Variants in RBPJL observed in about 807,000 individuals in gnomAD.
RBPJL encodes the protein recombining binding protein suppressor of hairless-like protein.
A neutral mutation model predicts 57.6 loss-of-function variants in RBPJL; 50 were observed. The ratio of observed to expected loss-of-function variants is 0.87; its 90% CI spans 0.69 to 1.10. The LOEUF (loss-of-function observed/expected upper bound fraction) is 1.10, where lower values mean the gene tolerates loss of function less well. Ranked by LOEUF, RBPJL falls within the 50% of genes least tolerant of loss-of-function variation. The probability of loss-of-function intolerance (pLI) is 0.00; values close to 1 mark genes in which losing one functional copy is unlikely to be tolerated. For synonymous variants in RBPJL, 303 were observed against 294.4 expected (o/e 1.03, Z -0.30); for missense variants, 684 against 693.7 (o/e 0.99, Z 0.16).
At chr20:45,313,433 C>CACCCTCACCCTAAGCCTG (rs1987295279) in intron 6 of RBPJL, 35 bp from the exon 7 acceptor site, 1 of 1,563,932 alleles carries the variant, frequency 6.4e-7, no homozygotes, top group African/African-American at 1.4e-5. Context: ...CCCTGACCCT[C>CACCCTCACCCTAAGCCTG]ACCCTCACCC....
intron 9 of RBPJL, chr20:45,315,881 GAA>G: frequency 3.5e-6 from 1 of 288,480 alleles, no homozygotes; most frequent in Non-Finnish European, 6.1e-6. Context: ...AGGAAGGAAA[GAA>G]AGAAAAAGAA....
chr20:45,313,348 A>AACCCTC (rs937322516), intron 6 of RBPJL, 120 bp from the exon 7 acceptor site: 1 of 667,682 alleles, frequency 1.5e-6, no homozygotes. Flanking sequence ...CCCTAATCCT[A>AACCCTC]ACCCTCACCC....
rs368721350 is a variant in RBPJL at position 45,316,267 on chromosome 20, G to C, written c.1101G>C (p.Val367=). 2 of 1,614,114 alleles carry C rather than the reference G, an allele frequency of 1.2e-6. No individual in the cohort carries two copies. Among genetic ancestry groups the C allele is most frequent in the African/African-American group, 1.3e-5 (1 of 74,954 alleles). The change falls in exon 10 of 12, where the codon GTG becomes GTC. Residue 367 remains valine, a synonymous_variant. Transcript: ENST00000343694. The stretch of plus-strand genomic sequence containing the variant: ...GGACCATCATCGGCACCGAGTCGGT[G>C]GAATTTTCCTTCAGCACCAGCCTGG... ...SCWTIIGTES[V]EFSFSTSLAC... is the part of the protein sequence containing the mutation.
rs1431769513 is a variant in RBPJL at position 45,306,886 on chromosome 20, G to A, written c.-37G>A. On this transcript the variant is annotated 5_prime_UTR_variant, in exon 1 of 12. Coordinates refer to ENST00000343694, the MANE Select transcript of RBPJL (RefSeq NM_014276.4). The stretch of plus-strand genomic sequence containing the variant: ...ACAGCAGCACTGGACTCGTCCAGAG[G>A]GCGGCGGGTGAGCGGCTGGGGCCCC... 3.2e-6 allele frequency: 4 copies of A among 1,256,298 alleles called. No homozygotes were observed. The highest frequency in any genetic ancestry group is 3.1e-5 in the African/African-American group (2 of 64,774). The allele number at this position is 1,256,298 out of a possible 1,614,324, so 77.8% of individuals were successfully genotyped here.
intron 3 of RBPJL, among the ~76,000 whole-genome samples, chr20:45,311,189 GAGAGGAAGGA>G (rs1568889416): frequency 6.7e-6 from 1 of 149,520 alleles, no homozygotes; most frequent in African/African-American, 2.5e-5. Flanking sequence ...GAAAGAAAGA[GAGAGGAAGGA>G]AGGAAGGAAG....
At chr20:45,308,310 G>T in intron 2 of RBPJL, 59 bp downstream of exon 2, 1 of 1,177,482 alleles carries the variant, frequency 8.5e-7, no homozygotes, top group South Asian at 1.2e-5. Context: ...GGAGCACACA[G>T]AGGCAACGGC....
intron 2 of RBPJL, among the ~76,000 whole-genome samples, chr20:45,309,018 C>T (rs551102693): frequency 2.1e-4 from 32 of 152,222 alleles, no homozygotes; most frequent in Admixed American, 3.9e-4. Flanking sequence ...TCCCCCAGGC[C>T]ATCCCCCATC....
intron 6 of RBPJL, 105 bp from the exon 7 acceptor site, chr20:45,313,363 C>G (rs1040366647): frequency 1.1e-6 from 1 of 893,086 alleles, no homozygotes; most frequent in Non-Finnish European, 1.7e-6. Flanking sequence ...TCACCCTCAC[C>G]CTAACCCTCA....
chr20:45,313,673 A>T (rs1316758623), intron 7 of RBPJL, 68 bp downstream of exon 7: 1 of 1,436,548 alleles, frequency 7.0e-7, no homozygotes, highest in Non-Finnish European at 9.3e-7. Context: ...CTCCACCACA[A>T]CTCCTTAAGG....
At position 45,314,038 on chromosome 20, in the gene RBPJL, A is replaced by C. The variant is rs774563760; in HGVS notation, c.761A>C (p.Asp254Ala). ...QWAAFTLHLA[D>A]GHSAQGDFPP... ...CCTTGCTTTTTTTGTCCCCCAGCTG[A>C]TGGGCACTCTGCCCAAGGAGACTTC... The change falls in exon 8 of 12, where the codon GAT (aspartate) becomes GCT (alanine). Residue 254 changes from aspartate (D) to alanine (A), a missense_variant. By Grantham distance (126) the Asp-to-Ala change is moderately radical. Transcript: ENST00000343694. 2.5e-6 allele frequency: 4 copies of C among 1,611,922 alleles called. No homozygotes were observed. Among genetic ancestry groups the C allele is most frequent in the Non-Finnish European group, 3.4e-6 (4 of 1,177,982 alleles).
chr20:45,311,476 G>A lies in RBPJL; in HGVS notation c.258-113G>A. 4.3e-6 allele frequency: 4 copies of A among 922,904 alleles called. No individual in the cohort carries two copies. In the South Asian group the frequency reaches 6.0e-5, roughly 14 times the overall value. The allele number at this position is 922,904 out of a possible 1,614,324, so 57.2% of individuals were successfully genotyped here. A position where few individuals can be genotyped will look rare whatever the true frequency, so the allele number is the denominator to read the frequency against. ...TACAGTCGTGAAAAAGCGTTGCGGG[G>A]AGCGGGAGGAGGAAACGAAGGTTCT... On this transcript the variant is annotated intron_variant, in intron 3 of 11. Coordinates refer to ENST00000343694, the MANE Select transcript of RBPJL (RefSeq NM_014276.4).
At chr20:45,310,327 C>G (rs1020874708) in intron 3 of RBPJL, among the ~76,000 whole-genome samples, 4 of 152,138 alleles carry the variant, frequency 2.6e-5, no homozygotes, top group Admixed American at 6.5e-5. Context: ...AACAGAAGGG[C>G]CGGGCGCGAT....
intron 8 of RBPJL, 123 bp downstream of exon 8, chr20:45,314,267 C>A: frequency 1.6e-6 from 2 of 1,226,750 alleles, no homozygotes; most frequent in South Asian, 1.3e-5. Flanking sequence ...CACCCAGTGT[C>A]GCGTAGGACC....
intron 6 of RBPJL, among the ~76,000 whole-genome samples, chr20:45,312,899 G>T (rs557212116): frequency 1.6e-4 from 24 of 151,450 alleles, no homozygotes; most frequent in African/African-American, 4.9e-4. Flanking sequence ...TCCCAGCTAC[G>T]TGGGAGGCTG....
chr20:45,317,233 CCT>C lies in RBPJL; in HGVS notation c.*286_*287del, dbSNP rs1030309597. The C allele has an allele frequency of 1.5e-3, 815 of 527,900 alleles. 1 individual carries two copies. Among genetic ancestry groups the C allele is most frequent in the South Asian group, 5.7e-3 (213 of 37,380 alleles). The allele number at this position is 527,900 out of a possible 1,614,324, so 32.7% of individuals were successfully genotyped here. A position where few individuals can be genotyped will look rare whatever the true frequency, so the allele number is the denominator to read the frequency against. ...CATTTCTTCTCACTCTGTCTCTAAA[CCT>C]CTCTCTCTCTCCCTTCCCCCTCAGT... is the stretch of plus-strand genomic sequence containing the variant. On this transcript the variant is annotated 3_prime_UTR_variant, in exon 12 of 12. Transcript: ENST00000343694.
rs962111528 is a variant in RBPJL at position 45,317,200 on chromosome 20, C to G, written c.*241C>G. 3 of 570,118 alleles carry G rather than the reference C, an allele frequency of 5.3e-6. No homozygotes were observed. Among genetic ancestry groups the G allele is most frequent in the Non-Finnish European group, 9.3e-6 (3 of 323,622 alleles). The allele number at this position is 570,118 out of a possible 1,614,324, so 35.3% of individuals were successfully genotyped here. A position where few individuals can be genotyped will look rare whatever the true frequency, so the allele number is the denominator to read the frequency against. On this transcript the variant is annotated 3_prime_UTR_variant, in exon 12 of 12. Transcript: ENST00000343694. Reference sequence around the variant, plus strand: ...TTTGTGTCCGTCGTGTATGGCTCTCCCTGTCTTCATTTCTTCTCACTCTGT... The same window carrying G: ...TTTGTGTCCGTCGTGTATGGCTCTCGCTGTCTTCATTTCTTCTCACTCTGT...
intron 2 of RBPJL, 92 bp from the exon 3 acceptor site, chr20:45,309,475 A>T: frequency 7.2e-7 from 1 of 1,380,472 alleles, no homozygotes; most frequent in Non-Finnish European, 9.8e-7. Context: ...CCCCCTGCTC[A>T]CTTCATTTTA....
At position 45,316,843 on chromosome 20, in the gene RBPJL, A is replaced by G. The variant is rs751084271; in HGVS notation, c.1438A>G (p.Ser480Gly). The change falls in exon 12 of 12, where the codon AGC becomes GGC. Residue 480 changes from serine (S) to glycine (G), a missense_variant. Transcript: ENST00000343694. ...AFSFTYTPEY[S>G]VRPGHPGVPE... ...CTCCTTCACCTACACCCCGGAATACAGCGTGCGGCCGGGTCACCCCGGCGT... is the reference window on the plus strand; with the variant it reads ...CTCCTTCACCTACACCCCGGAATACGGCGTGCGGCCGGGTCACCCCGGCGT... 4.3e-6 allele frequency: 7 copies of G among 1,613,716 alleles called. No individual in the cohort carries two copies. In the African/African-American group the frequency reaches 9.4e-5, roughly 22 times the overall value.
intron 7 of RBPJL, among the ~76,000 whole-genome samples, 188 bp from the exon 8 acceptor site, chr20:45,313,847 G>A (rs542329981): frequency 6.6e-6 from 1 of 152,334 alleles, no homozygotes. Flanking sequence ...CCCCAGGGCA[G>A]ACATTTGTGA....
Sources: gnomAD v4.1 joint callset for allele counts (sites outside exome capture counted in the v4.1 genomes callset) on GRCh38, gnomAD v4.1.1 for gene constraint, MANE v1.5 for transcripts, NCBI Gene and HGNC (gene_info 2026-07-23, HGNC 2026-07-21) for gene names.